The following DLGAP1 variants were observed in gnomAD, a reference collection of about 807,000 sequenced individuals.
The protein encoded by DLGAP1 is disks large-associated protein 1.
In DLGAP1, 11 loss-of-function variants were observed where a neutral mutation model predicts 90.8. That is an observed-to-expected ratio of 0.12 (90% confidence interval 0.08 to 0.20). DLGAP1 has a LOEUF of 0.20. Ranked by LOEUF, DLGAP1 falls within the 10% of genes least tolerant of loss-of-function variation. DLGAP1 has a pLI of 1.00. For synonymous variants in DLGAP1, 558 were observed against 540.7 expected, an observed-to-expected ratio of 1.03 and a Z score of -0.44; for missense variants, 1,050 against 1,333.8, an observed-to-expected ratio of 0.79 and a Z score of 3.31.
chr18:4,099,795 C>T lies in DLGAP1; in HGVS notation c.-159+51385G>A, dbSNP rs576475145. On this transcript the variant is annotated intron_variant, in intron 2 of 12. Transcript: ENST00000315677. ...CATGGCTCACTGCAGCCTTGAATTCCTGGGCTGAAGCTATCCTTCTGCCTC... is the reference window on the plus strand; with the variant it reads ...CATGGCTCACTGCAGCCTTGAATTCTTGGGCTGAAGCTATCCTTCTGCCTC... Among the ~76,000 whole-genome samples, 7 of 151,530 alleles carry T rather than the reference C, an allele frequency of 4.6e-5. No individual in the cohort carries two copies. In the East Asian group the frequency reaches 7.8e-4, roughly 17 times the overall value.
chr18:4,275,290 C>G (rs1260608185), intron 1 of DLGAP1: 5 of 152,206 alleles, frequency 3.3e-5, no homozygotes, highest in African/African-American at 1.2e-4. Context: ...ACTGAGTGCT[C>G]TCTCTCACAG....
At chr18:4,427,514 G>C (rs1007205144) in intron 1 of DLGAP1, among the ~76,000 whole-genome samples, 2 of 152,128 alleles carry the variant, frequency 1.3e-5, no homozygotes, top group Admixed American at 6.5e-5. Flanking sequence ...TCTTCAGGGA[G>C]GTTTTGTAAA....
At chr18:3,685,049 A>G (rs1386821633) in intron 7 of DLGAP1, among the ~76,000 whole-genome samples, 3 of 152,232 alleles carry the variant, frequency 2.0e-5, no homozygotes. Context: ...AACATTTGGA[A>G]TAAAAATATT....
intron 2 of DLGAP1, among the ~76,000 whole-genome samples, chr18:4,096,007 C>A (rs964059766): frequency 6.6e-6 from 1 of 152,112 alleles, no homozygotes; most frequent in Non-Finnish European, 1.5e-5. Context: ...TACCTTTAGG[C>A]AGAATGTGGA....
At chr18:4,402,676 G>T (rs2082580147) in intron 1 of DLGAP1, among the ~76,000 whole-genome samples, 1 of 152,046 alleles carries the variant, frequency 6.6e-6, no homozygotes, top group African/African-American at 2.4e-5. Flanking sequence ...AAAAAGCACT[G>T]AATTGGTAAA....
At chr18:4,165,972 A>G (rs1213541149) in intron 1 of DLGAP1, among the ~76,000 whole-genome samples, 1 of 152,068 alleles carries the variant, frequency 6.6e-6, no homozygotes, top group East Asian at 1.9e-4. Context: ...GCCCTGAACA[A>G]TGTAGTGAGA....
chr18:4,016,034 C>T (rs1487006262), intron 2 of DLGAP1, among the ~76,000 whole-genome samples: 1 of 152,200 alleles, frequency 6.6e-6, no homozygotes, highest in Non-Finnish European at 1.5e-5. Context: ...AATTTTCCAA[C>T]TTTAAGACTG....
chr18:3,871,693 G>A (rs922469725), intron 4 of DLGAP1, among the ~76,000 whole-genome samples: 8 of 152,234 alleles, frequency 5.3e-5, no homozygotes, highest in African/African-American at 1.7e-4. Context: ...ATTTTCCAAC[G>A]TCTATGAAAA....
At chr18:3,968,549 GA>G (rs1452856956) in intron 3 of DLGAP1, among the ~76,000 whole-genome samples, 1 of 152,116 alleles carries the variant, frequency 6.6e-6, no homozygotes, top group African/African-American at 2.4e-5. Flanking sequence ...GACCATCACG[GA>G]AGTTTTAAAT....
intron 7 of DLGAP1, among the ~76,000 whole-genome samples, chr18:3,698,562 G>A (rs575744257): frequency 6.6e-6 from 1 of 152,290 alleles, no homozygotes; most frequent in East Asian, 1.9e-4. Context: ...TCTGCTGTTA[G>A]TCTGATGGGC....
At chr18:4,391,370 G>A (rs34667675) in intron 1 of DLGAP1, among the ~76,000 whole-genome samples, 8,342 of 152,122 alleles carry the variant, frequency 0.055, 247 homozygotes, top group African/African-American at 0.071. Context: ...TTTGACCCAC[G>A]GTGGGGTTTC....
chr18:3,783,477 T>G (rs1009702478), intron 5 of DLGAP1, among the ~76,000 whole-genome samples: 14 of 152,146 alleles, frequency 9.2e-5, no homozygotes, highest in Non-Finnish European at 1.3e-4. Context: ...TAAAAAGAAA[T>G]GAACTACTAA....
chr18:4,306,033 T>TACATACACACAC (rs1555779967), intron 1 of DLGAP1, among the ~76,000 whole-genome samples: 1 of 142,110 alleles, frequency 7.0e-6, no homozygotes, highest in Non-Finnish European at 1.5e-5. Flanking sequence ...CACACACAAA[T>TACATACACACAC]ACACACACAC....
At chr18:4,286,833 A>G (rs906958593) in intron 1 of DLGAP1, among the ~76,000 whole-genome samples, 1 of 152,100 alleles carries the variant, frequency 6.6e-6, no homozygotes, top group African/African-American at 2.4e-5. Flanking sequence ...AGATAAATAG[A>G]CAAGAATATG....
At chr18:4,063,401 T>C (rs150391393) in intron 2 of DLGAP1, among the ~76,000 whole-genome samples, 7 of 152,254 alleles carry the variant, frequency 4.6e-5, no homozygotes, top group African/African-American at 1.4e-4. Flanking sequence ...TCTGACTATA[T>C]AAGATACAGA....
intron 7 of DLGAP1, among the ~76,000 whole-genome samples, chr18:3,699,589 A>AT (rs1407465557): frequency 2.0e-5 from 3 of 152,134 alleles, no homozygotes; most frequent in Admixed American, 6.5e-5. Flanking sequence ...GCTGGGAGGT[A>AT]TCTCCCAGTC....
chr18:3,625,128 C>T (rs866737006), intron 7 of DLGAP1, among the ~76,000 whole-genome samples: 9 of 152,352 alleles, frequency 5.9e-5, no homozygotes, highest in African/African-American at 1.7e-4. Context: ...TCCTCTCTCC[C>T]GAGCAGGCTT....
rs1020605984 is a variant in DLGAP1 at position 3,860,895 on chromosome 18, A to G, written c.957+18217T>C. Among the ~76,000 whole-genome samples the G allele has an allele frequency of 7.9e-5, 12 of 152,356 alleles. No homozygotes were observed. The South Asian group carries it at 2.5e-3, about 32-fold the overall frequency. On this transcript the variant is annotated intron_variant, in intron 4 of 12. Transcript: ENST00000315677. Reference sequence around the variant, plus strand: ...ATACTTTCAAGGCTTCAGAGATATGATATTTCAAATGAGGAAACGTCCTTA... The same window carrying G: ...ATACTTTCAAGGCTTCAGAGATATGGTATTTCAAATGAGGAAACGTCCTTA...
chr18:3,703,264 T>G (rs78730939), intron 7 of DLGAP1, among the ~76,000 whole-genome samples: 92 of 152,322 alleles, frequency 6.0e-4, no homozygotes, highest in Non-Finnish European at 1.0e-3. Flanking sequence ...GACCTGAACT[T>G]GCCAACTGAG....
Sources: gnomAD v4.1 joint callset for allele counts (sites outside exome capture counted in the v4.1 genomes callset) on GRCh38, gnomAD v4.1.1 for gene constraint, MANE v1.5 for transcripts, NCBI Gene and HGNC (gene_info 2026-07-23, HGNC 2026-07-21) for gene names.